The following MAGI2 variants were observed in gnomAD, a reference collection of about 807,000 sequenced individuals.
MAGI2 encodes membrane associated guanylate kinase, WW and PDZ domain containing 2.
Under a neutral mutation model 133.3 loss-of-function variants are expected in MAGI2, and 35 were observed. The observed-to-expected ratio is 0.26, with a 90% CI of 0.20 to 0.35. MAGI2 has a LOEUF of 0.35. Ranked by LOEUF, MAGI2 falls within the 10% of genes least tolerant of loss-of-function variation. The pLI, the probability that MAGI2 is intolerant of heterozygous loss-of-function variation, is 1.00. For synonymous variants in MAGI2, 729 were observed against 710.6 expected (o/e 1.03, Z -0.41); for missense variants, 1,636 against 1,863.4 (o/e 0.88, Z 2.25).
intron 2 of MAGI2, among the ~76,000 whole-genome samples, chr7:78,719,815 C>G (rs1177258108): frequency 1.3e-5 from 2 of 152,116 alleles, no homozygotes; most frequent in Non-Finnish European, 2.9e-5. Context: ...TAATTTGAAC[C>G]ATCTTTTCTA....
At chr7:79,034,778 G>A (rs1407988343) in intron 1 of MAGI2, among the ~76,000 whole-genome samples, 1 of 130,622 alleles carries the variant, frequency 7.7e-6, no homozygotes, top group Non-Finnish European at 1.7e-5. Context: ...ACTCACCCTT[G>A]TCCTTCGTCA....
intron 1 of MAGI2, among the ~76,000 whole-genome samples, chr7:79,056,019 A>G (rs1049504784): frequency 6.6e-6 from 1 of 152,226 alleles, no homozygotes. Flanking sequence ...TAGCAGAGAG[A>G]AAAGGCCCCA....
intron 16 of MAGI2, among the ~76,000 whole-genome samples, chr7:78,149,306 C>T (rs544317379): frequency 3.1e-4 from 47 of 152,222 alleles, no homozygotes; most frequent in African/African-American, 8.9e-4. Context: ...CTAATGTATC[C>T]GTCTTATATC....
At chr7:79,088,324 G>A (rs1380632783) in intron 1 of MAGI2, among the ~76,000 whole-genome samples, 1 of 152,024 alleles carries the variant, frequency 6.6e-6, no homozygotes, top group Admixed American at 6.6e-5. Flanking sequence ...TCTGTTAATG[G>A]TGTATAGGAA....
chr7:78,813,488 C>A (rs1049076818), intron 2 of MAGI2, among the ~76,000 whole-genome samples: 1 of 152,016 alleles, frequency 6.6e-6, no homozygotes, highest in Non-Finnish European at 1.5e-5. Flanking sequence ...AATTTATGAG[C>A]AAAACTATCA....
At chr7:78,117,142 T>A (rs752472163) in intron 20 of MAGI2, among the ~76,000 whole-genome samples, 1 of 151,432 alleles carries the variant, frequency 6.6e-6, no homozygotes, top group Non-Finnish European at 1.5e-5. Flanking sequence ...AGACAACAAC[T>A]GTAAACAACA....
intron 9 of MAGI2, among the ~76,000 whole-genome samples, chr7:78,294,494 A>G (rs993137825): frequency 6.6e-6 from 1 of 152,088 alleles, no homozygotes. Flanking sequence ...TTTTTGTATG[A>G]GAGTCTAGCA....
intron 6 of MAGI2, among the ~76,000 whole-genome samples, chr7:78,483,902 C>G (rs1792692863): frequency 6.6e-6 from 1 of 151,906 alleles, no homozygotes; most frequent in East Asian, 1.9e-4. Flanking sequence ...CTGTTAGGAT[C>G]TTTTTATGAG....
intron 2 of MAGI2, among the ~76,000 whole-genome samples, chr7:78,918,147 T>C (rs1192814573): frequency 6.6e-6 from 1 of 152,172 alleles, no homozygotes; most frequent in African/African-American, 2.4e-5. Flanking sequence ...TAAAGGGGCT[T>C]GTTATGAATA....
chr7:78,898,441 C>T (rs10262069), intron 2 of MAGI2, among the ~76,000 whole-genome samples: 1,693 of 152,158 alleles, frequency 0.011, 34 homozygotes, highest in African/African-American at 0.039. Context: ...AAGAAAATGT[C>T]CTACATATAC....
chr7:79,007,149 G>A lies in MAGI2; in HGVS notation c.359C>T (p.Ser120Phe). Residue 120 changes from serine (S) to phenylalanine (F), a missense_variant, in exon 2 of 22, where the codon TCT becomes TTT. Physicochemically the swap from Ser to Phe is radical, Grantham distance 155 (BLOSUM62 -2). Transcript: ENST00000354212. ...GATTTGCTGAAGCTCATGGTCCACA[G>A]AACCCTTTTGAAATCGTAAGTTGAG... ...HYLNLRFQKG[S>F]VDHELQQIIR... The A allele has an allele frequency of 6.2e-7, 1 of 1,613,552 alleles. No homozygotes were observed. Among genetic ancestry groups the A allele is most frequent in the Non-Finnish European group, 8.5e-7 (1 of 1,179,716 alleles).
At chr7:78,489,330 T>C (rs1287124383) in intron 6 of MAGI2, among the ~76,000 whole-genome samples, 1 of 152,080 alleles carries the variant, frequency 6.6e-6, no homozygotes, top group Non-Finnish European at 1.5e-5. Flanking sequence ...AAAGCATGTC[T>C]TTATATTTCT....
At chr7:79,356,451 C>G (rs1310461834) in intron 1 of MAGI2, among the ~76,000 whole-genome samples, 3 of 151,978 alleles carry the variant, frequency 2.0e-5, no homozygotes. Context: ...TGAAGAAAAA[C>G]AGAAAAGTAT....
chr7:78,251,352 A>G (rs1297025720), intron 10 of MAGI2: 1 of 152,180 alleles, frequency 6.6e-6, no homozygotes, highest in Non-Finnish European at 1.5e-5. Context: ...TGCACTCAAT[A>G]TTATTCTGGG....
intron 1 of MAGI2, among the ~76,000 whole-genome samples, chr7:79,151,087 C>T (rs1262540695): frequency 3.9e-5 from 6 of 152,030 alleles, no homozygotes; most frequent in African/African-American, 1.2e-4. Context: ...AGTGCTGCTT[C>T]TGTTATTGAA....
intron 2 of MAGI2, among the ~76,000 whole-genome samples, chr7:78,708,183 G>C (rs1818837625): frequency 6.6e-6 from 1 of 152,072 alleles, no homozygotes; most frequent in Non-Finnish European, 1.5e-5. Flanking sequence ...TCTTCAATCT[G>C]TGCTATCAAC....
intron 21 of MAGI2, among the ~76,000 whole-genome samples, chr7:78,020,734 C>G (rs1046110816): frequency 2.6e-5 from 4 of 152,160 alleles, no homozygotes; most frequent in African/African-American, 7.2e-5. Flanking sequence ...AAGTGACGTT[C>G]TCAACCAGTA....
intron 21 of MAGI2, among the ~76,000 whole-genome samples, chr7:78,060,366 C>T (rs117103512): frequency 2.8e-5 from 4 of 145,092 alleles, no homozygotes; most frequent in East Asian, 2.1e-4. Context: ...ATGATGACCT[C>T]GTTCTGACAA....
At chr7:78,511,040 C>A (rs953389247) in intron 4 of MAGI2, among the ~76,000 whole-genome samples, 1 of 152,060 alleles carries the variant, frequency 6.6e-6, no homozygotes, top group Non-Finnish European at 1.5e-5. Context: ...ACCCAATAAT[C>A]CCATTAAAAA....
Sources: allele counts gnomAD v4.1 joint callset (sites outside exome capture counted in the v4.1 genomes callset), GRCh38; gene constraint gnomAD v4.1.1; transcripts MANE v1.5; gene names NCBI Gene and HGNC (gene_info 2026-07-23, HGNC 2026-07-21).